Variants in ZCCHC24 observed in about 807,000 individuals in gnomAD.
ZCCHC24 encodes zinc finger CCHC-type containing 24.
A neutral mutation model predicts 26.2 loss-of-function variants in ZCCHC24; 10 were observed. The ratio of observed to expected loss-of-function variants is 0.38; its 90% CI spans 0.24 to 0.65. ZCCHC24 has a LOEUF of 0.65. Among genes scored for constraint, ZCCHC24 ranks in the 30% least tolerant of loss-of-function variants. The pLI is 0.54. For missense variants in ZCCHC24, 243 were observed against 329.1 expected (o/e 0.74, Z 2.03); for synonymous variants, 144 against 147.1 (o/e 0.98, Z 0.15).
intron 1 of ZCCHC24, among the ~76,000 whole-genome samples, chr10:79,438,244 C>G (rs747353823): frequency 6.6e-6 from 1 of 152,134 alleles, no homozygotes; most frequent in Non-Finnish European, 1.5e-5. Context: ...ACACACGCAC[C>G]CACACTCCTC....
At chr10:79,406,409 C>T (rs943116944) in intron 2 of ZCCHC24, among the ~76,000 whole-genome samples, 2 of 152,158 alleles carry the variant, frequency 1.3e-5, no homozygotes, top group Admixed American at 6.5e-5. Context: ...ACAGGGGGGT[C>T]GCAGGGAGGA....
At chr10:79,406,791 C>T (rs564790934) in intron 2 of ZCCHC24, among the ~76,000 whole-genome samples, 87 of 152,356 alleles carry the variant, frequency 5.7e-4, no homozygotes, top group African/African-American at 2.0e-3. Context: ...ACTGCTGCAA[C>T]GCCGCATGCC....
intron 2 of ZCCHC24, among the ~76,000 whole-genome samples, chr10:79,420,587 T>C (rs111915757): frequency 0.037 from 5,643 of 152,254 alleles, 359 homozygotes; most frequent in African/African-American, 0.13. Flanking sequence ...GAGACCAGCC[T>C]GGCCAACATG....
In ZCCHC24 at chr10:79,383,577, C is replaced by T. The variant is rs1485363298; in HGVS notation, c.*2768G>A. 11 of 152,054 alleles carry T rather than the reference C, an allele frequency of 7.2e-5. No individual in the cohort carries two copies. The East Asian group carries it at 2.1e-3, about 29-fold the overall frequency. 9.4% of individuals were successfully genotyped at this position (152,054 alleles called of 1,614,324 possible). On this transcript the variant is annotated 3_prime_UTR_variant, in exon 4 of 4. Coordinates refer to ENST00000372336, the MANE Select transcript of ZCCHC24 (RefSeq NM_153367.4). ...TGAAAGTTCTGAAATTTTGAAAATG[C>T]CTCTCTTTTTGTTTGTTTTAATCTC...
chr10:79,421,898 G>C (rs1831063509), intron 2 of ZCCHC24, among the ~76,000 whole-genome samples: 2 of 152,104 alleles, frequency 1.3e-5, no homozygotes, highest in African/African-American at 4.8e-5. Flanking sequence ...CAAAGTGCTG[G>C]GATTACAGGC....
intron 2 of ZCCHC24, among the ~76,000 whole-genome samples, chr10:79,398,165 G>A (rs1036787339): frequency 2.6e-5 from 4 of 152,214 alleles, no homozygotes; most frequent in African/African-American, 9.6e-5. Context: ...CCAGGCACTG[G>A]GAGGGCCCGG....
intron 2 of ZCCHC24, among the ~76,000 whole-genome samples, chr10:79,416,306 T>A (rs1278050259): frequency 6.6e-6 from 1 of 152,290 alleles, no homozygotes; most frequent in African/African-American, 2.4e-5. Context: ...TTGGCTCTGC[T>A]CCTTCCTCTA....
At chr10:79,393,993 T>C (rs1027753002) in intron 3 of ZCCHC24, among the ~76,000 whole-genome samples, 2 of 152,184 alleles carry the variant, frequency 1.3e-5, no homozygotes, top group African/African-American at 4.8e-5. Context: ...GGAAGGAAAT[T>C]TGAGTTTTCT....
intron 2 of ZCCHC24, among the ~76,000 whole-genome samples, chr10:79,410,727 A>G (rs1856778810): frequency 8.5e-6 from 1 of 118,108 alleles, no homozygotes. Context: ...CTGAGTGGAC[A>G]GAGGGGTTGG....
At chr10:79,404,719 C>T (rs1856686130) in intron 2 of ZCCHC24, among the ~76,000 whole-genome samples, 1 of 152,208 alleles carries the variant, frequency 6.6e-6, no homozygotes, top group Non-Finnish European at 1.5e-5. Flanking sequence ...CAGGCAGAAT[C>T]TCCCCAAATA....
At chr10:79,406,567 C>T (rs1159224064) in intron 2 of ZCCHC24, among the ~76,000 whole-genome samples, 2 of 152,186 alleles carry the variant, frequency 1.3e-5, no homozygotes, top group African/African-American at 4.8e-5. Context: ...GATGGAGTGT[C>T]CCCAAATGGT....
rs1063119 is a variant in ZCCHC24 at position 79,385,779 on chromosome 10, T to C, written c.*566A>G. The C allele has an allele frequency of 0.62, 106,543 of 172,376 alleles. 34,250 individuals carry two copies. Among genetic ancestry groups the C allele is most frequent in the African/African-American group, 0.8 (33,829 of 42,364 alleles). 10.7% of individuals were successfully genotyped at this position (172,376 alleles called of 1,614,324 possible). A position where few individuals can be genotyped will look rare whatever the true frequency, so the allele number is the denominator to read the frequency against. On this transcript the variant is annotated 3_prime_UTR_variant, in exon 4 of 4. Coordinates refer to ENST00000372336, the MANE Select transcript of ZCCHC24 (RefSeq NM_153367.4). The surrounding 1 kb of genome is among the most constrained non-coding windows in gnomAD (Gnocchi z 4.3). ...AATGCCAGTGATGTCAGAGGGGGTC[T>C]GGATTTGGGGCTTAAGGTGGGCAAG...
At chr10:79,403,566 T>TGGGA in intron 2 of ZCCHC24, 1 of 985,382 alleles carries the variant, frequency 1.0e-6, no homozygotes, top group Non-Finnish European at 1.2e-6. Flanking sequence ...TGCAGGATGC[T>TGGGA]GGGAGGGAGG....
rs57999751 is a variant in ZCCHC24 at position 79,434,859 on chromosome 10, A to G, written c.247-2101T>C. On this transcript the variant is annotated intron_variant, in intron 1 of 3. Transcript: ENST00000372336. The stretch of plus-strand genomic sequence containing the variant: ...GCTCCAGAACTTTTTCATCTTCTCA[A>G]ACTGAAACTCCATGCCCGTGAAACA... Among the ~76,000 whole-genome samples the G allele has an allele frequency of 6.0e-4, 92 of 152,182 alleles. No individual in the cohort carries two copies. In the East Asian group the frequency reaches 0.017, roughly 28 times the overall value.
intron 2 of ZCCHC24, among the ~76,000 whole-genome samples, chr10:79,394,771 GGGCCTGCACACA>G (rs1252411508): frequency 6.6e-6 from 1 of 152,206 alleles, no homozygotes; most frequent in East Asian, 1.9e-4. Flanking sequence ...CTGGTCTCAT[GGGCCTGCACACA>G]GGCACTCTTT....
chr10:79,407,463 A>ATC (rs1263346785), intron 2 of ZCCHC24, among the ~76,000 whole-genome samples: 1 of 152,234 alleles, frequency 6.6e-6, no homozygotes, highest in African/African-American at 2.4e-5. Flanking sequence ...GCACAGGACC[A>ATC]TCGGGGCATT....
intron 2 of ZCCHC24, among the ~76,000 whole-genome samples, chr10:79,418,931 G>C (rs1856902238): frequency 6.6e-6 from 1 of 152,100 alleles, no homozygotes; most frequent in Admixed American, 6.5e-5. Context: ...CTGAAAGGGG[G>C]ATAGGAGAGA....
intron 2 of ZCCHC24, chr10:79,403,519 C>T (rs1356983774): frequency 1.0e-6 from 1 of 985,354 alleles, no homozygotes; most frequent in Non-Finnish European, 1.2e-6. Context: ...CCGGAGGAAG[C>T]AGGCGGTCAG....
rs1019203193 is a variant in ZCCHC24 at position 79,442,184 on chromosome 10, C to T, written c.246+3011G>A. On this transcript the variant is annotated intron_variant, in intron 1 of 3. Transcript: ENST00000372336. ...ATCAGGTTTTTGAAACTGGGTTTCACGGGGCCTAGTTTGTAGACCCAGAAG... is the reference window on the plus strand; with the variant it reads ...ATCAGGTTTTTGAAACTGGGTTTCATGGGGCCTAGTTTGTAGACCCAGAAG... 1.4e-4 allele frequency among the ~76,000 whole-genome samples: 21 copies of T among 152,306 alleles called. No individual in the cohort carries two copies. The South Asian group carries it at 2.3e-3, about 17-fold the overall frequency.
Sources: allele counts gnomAD v4.1 joint callset (sites outside exome capture counted in the v4.1 genomes callset), GRCh38; gene constraint gnomAD v4.1.1; non-coding constraint Gnocchi (gnomAD v3.1); transcripts MANE v1.5; gene names NCBI Gene and HGNC (gene_info 2026-07-23, HGNC 2026-07-21).